The following ZNF223 variants were observed in gnomAD, a reference collection of about 807,000 sequenced individuals.
The protein encoded by ZNF223 is Homo sapiens zinc finger protein 223.
ZNF223 carries 9 observed loss-of-function variants against 12.3 expected under a neutral mutation model. That is an observed-to-expected ratio of 0.73 (90% confidence interval 0.44 to 1.28). The LOEUF (loss-of-function observed/expected upper bound fraction) is 1.28. ZNF223 is among the 50% of genes most tolerant of loss of function. The pLI, the probability that ZNF223 is intolerant of heterozygous loss-of-function variation, is 0.00. For synonymous variants in ZNF223, 171 were observed against 195.2 expected, an observed-to-expected ratio of 0.88 and a Z score of 1.03; for missense variants, 506 against 579.0, an observed-to-expected ratio of 0.87 and a Z score of 1.29.
At chr19:44,058,777 G>A (rs1234993890) in intron 2 of ZNF223, among the ~76,000 whole-genome samples, 2 of 152,214 alleles carry the variant, frequency 1.3e-5, no homozygotes, top group Non-Finnish European at 2.9e-5. Context: ...CATTGCCTAT[G>A]GCAGGTGTCT....
At chr19:44,055,544 C>CG (rs1976753479) in intron 2 of ZNF223, among the ~76,000 whole-genome samples, 1 of 151,522 alleles carries the variant, frequency 6.6e-6, no homozygotes, top group Non-Finnish European at 1.5e-5. Context: ...CTGAGGCAGG[C>CG]GGATCACCTG....
chr19:44,066,587 A>G lies in ZNF223; in HGVS notation c.759A>G (p.Leu253=). 1 of 1,614,168 alleles carries G rather than the reference A, an allele frequency of 6.2e-7. No homozygotes were observed. Among genetic ancestry groups the G allele is most frequent in the Non-Finnish European group, 8.5e-7 (1 of 1,180,020 alleles). Residue 253 remains leucine, a synonymous_variant, in exon 5 of 5, where the codon TTA becomes TTG. Coordinates refer to ENST00000434772, the MANE Select transcript of ZNF223 (RefSeq NM_013361.6). ...CAGCACTTACAGTTCATTGCAAATT[A>G]CACATGGGAGAGAAACATTATAATT... is the stretch of plus-strand genomic sequence containing the variant. The part of the protein sequence containing the change: ...CRSALTVHCK[L]HMGEKHYNCE...
chr19:44,063,673 C>T (rs1367111380), intron 4 of ZNF223: 3 of 152,274 alleles, frequency 2.0e-5, no homozygotes, highest in Admixed American at 2.0e-4. Flanking sequence ...AAAGCAGCAC[C>T]TTCTGAAGTT....
At chr19:44,054,778 A>G (rs1976743741) in intron 1 of ZNF223, among the ~76,000 whole-genome samples, 2 of 152,218 alleles carry the variant, frequency 1.3e-5, no homozygotes, top group Non-Finnish European at 1.5e-5. Context: ...TATTCCAGAC[A>G]TTTCATATAA....
Position 44,067,486 on chromosome 19 carries a change from C to T in ZNF223, c.*209C>T. The T allele has an allele frequency of 3.0e-6, 2 of 674,098 alleles. No individual in the cohort carries two copies. The highest frequency in any genetic ancestry group is 2.1e-5 in the Admixed American group (1 of 47,412). The allele number at this position is 674,098 out of a possible 1,614,324, so 41.8% of individuals were successfully genotyped here. On this transcript the variant is annotated 3_prime_UTR_variant, in exon 5 of 5. Coordinates refer to ENST00000434772, the MANE Select transcript of ZNF223 (RefSeq NM_013361.6). Reference sequence around the variant, plus strand: ...TGCTGCAGAACAGCAGAACTTCTTCCTCTTATCTACCTGTACTTTTGCATC... The same window carrying T: ...TGCTGCAGAACAGCAGAACTTCTTCTTCTTATCTACCTGTACTTTTGCATC...
At chr19:44,060,098 T>TA (rs1976816655) in intron 2 of ZNF223, among the ~76,000 whole-genome samples, 1 of 152,206 alleles carries the variant, frequency 6.6e-6, no homozygotes, top group South Asian at 2.1e-4. Flanking sequence ...GTCGGGCAGA[T>TA]ACTGACTGAA....
In ZNF223 at chr19:44,067,902, A is replaced by G. The variant is rs1976943834; in HGVS notation, c.*625A>G. The G allele has an allele frequency of 6.1e-6, 1 of 163,078 alleles. No homozygotes were observed. Among genetic ancestry groups the G allele is most frequent in the South Asian group, 1.6e-4 (1 of 6,146 alleles). 10.1% of individuals were successfully genotyped at this position (163,078 alleles called of 1,614,324 possible). ...TGGAAGATTGAGGCTGCACTGACCT[A>G]TGGTAGTGCTACTGCACTCCAGCCA... On this transcript the variant is annotated 3_prime_UTR_variant, in exon 5 of 5. Transcript: ENST00000434772.
intron 4 of ZNF223, among the ~76,000 whole-genome samples, chr19:44,061,765 T>A (rs1014921982): frequency 6.6e-6 from 1 of 152,232 alleles, no homozygotes; most frequent in Admixed American, 6.5e-5. Flanking sequence ...CACAGAAGCT[T>A]CTGCCTCAGG....
chr19:44,065,170 C>T (rs1433151190), intron 4 of ZNF223, among the ~76,000 whole-genome samples: 1 of 152,192 alleles, frequency 6.6e-6, no homozygotes. Context: ...AACAGAGAGA[C>T]TCTCCTCAGG....
At position 44,061,618 on chromosome 19, in the gene ZNF223, T is replaced by C. The variant is rs574830768; in HGVS notation, c.235+777T>C. ...TCACTCCTGTATGATCCAAGTTGAC[T>C]TTCCTACTTTCTGCTTAGCTGATTA... On this transcript the variant is annotated intron_variant, in intron 4 of 4. Transcript: ENST00000434772. Among the ~76,000 whole-genome samples, 41 of 152,384 alleles carry C rather than the reference T, an allele frequency of 2.7e-4. No individual in the cohort carries two copies. The Middle Eastern group carries it at 0.02, about 76-fold the overall frequency.
intron 2 of ZNF223, among the ~76,000 whole-genome samples, chr19:44,056,838 G>T (rs1315883290): frequency 6.6e-6 from 1 of 151,742 alleles, no homozygotes; most frequent in Non-Finnish European, 1.5e-5. Context: ...CTCATGATCT[G>T]CCTGCCTCGG....
Position 44,067,741 on chromosome 19 carries a change from G to T in ZNF223, c.*464G>T. 3.6e-6 allele frequency: 1 copy of T among 279,032 alleles called. No homozygotes were observed. The highest frequency in any genetic ancestry group is 8.2e-5 in the East Asian group (1 of 12,224). 17.3% of individuals were successfully genotyped at this position (279,032 alleles called of 1,614,324 possible). A position where few individuals can be genotyped will look rare whatever the true frequency, so the allele number is the denominator to read the frequency against. The stretch of plus-strand genomic sequence containing the variant: ...AAGTTTGACAATTAGTTATTATTCA[G>T]GAGACAGGTCTTAGTATAAGAGTTT... On this transcript the variant is annotated 3_prime_UTR_variant, in exon 5 of 5. Transcript: ENST00000434772.
chr19:44,066,009 AAAACACT>A (rs1976904503), intron 4 of ZNF223, 48 bp from the exon 5 acceptor site: 4 of 1,521,788 alleles, frequency 2.6e-6, no homozygotes, highest in Non-Finnish European at 3.5e-6. Context: ...TGAACTCTTA[AAAACACT>A]GAACAGGGCA....
intron 2 of ZNF223, 49 bp from the exon 3 acceptor site, chr19:44,060,406 C>T (rs1279454340): frequency 6.2e-7 from 1 of 1,605,944 alleles, no homozygotes; most frequent in Non-Finnish European, 8.5e-7. Flanking sequence ...CCTTCTCTCC[C>T]AGTAACCATT....
At position 44,055,184 on chromosome 19, in the gene ZNF223, T is replaced by G; in HGVS notation, c.8T>G (p.Met3Arg). The change falls in exon 2 of 5, where the codon ATG (methionine) becomes AGG (arginine). Residue 3 changes from methionine (M) to arginine (R), a missense_variant. Transcript: ENST00000434772. ...CCTAAAGTAGGAGGAAAAATGACCATGTCCAAGGTAAGTAGGACTTGCCTC... is the reference window on the plus strand; with the variant it reads ...CCTAAAGTAGGAGGAAAAATGACCAGGTCCAAGGTAAGTAGGACTTGCCTC... MT[M>R]SKEAVTFKDV... is the part of the protein sequence containing the mutation. The G allele has an allele frequency of 6.2e-7, 1 of 1,613,254 alleles. No individual in the cohort carries two copies. Among genetic ancestry groups the G allele is most frequent in the Non-Finnish European group, 8.5e-7 (1 of 1,179,572 alleles).
intron 1 of ZNF223, among the ~76,000 whole-genome samples, chr19:44,054,801 G>A (rs1460239640): frequency 6.6e-6 from 1 of 152,032 alleles, no homozygotes; most frequent in African/African-American, 2.4e-5. Flanking sequence ...GGAATCGTAG[G>A]GTCTGTGGGT....
rs530975860 is a variant in ZNF223 at position 44,064,800 on chromosome 19, A to G, written c.236-1264A>G. On this transcript the variant is annotated intron_variant, in intron 4 of 4. Transcript: ENST00000434772. ...ATAAGACAGAGTCCAGTGAAGTACC[A>G]AATGTGGATCTCCTATTGTATTCTC... Among the ~76,000 whole-genome samples the G allele has an allele frequency of 2.0e-5, 3 of 152,336 alleles. No homozygotes were observed. The South Asian group carries it at 6.2e-4, about 32-fold the overall frequency.
In ZNF223 at chr19:44,055,130, A is replaced by G; in HGVS notation, c.-47A>G. ...CCAGGCACAATTCTGCTTTCCCTGG[A>G]ACTGTGTCATTCAGGACTCTGCAAA... is the stretch of plus-strand genomic sequence containing the variant. On this transcript the variant is annotated 5_prime_UTR_variant, in exon 2 of 5. Coordinates refer to ENST00000434772, the MANE Select transcript of ZNF223 (RefSeq NM_013361.6). 2 of 1,607,096 alleles carry G rather than the reference A, an allele frequency of 1.2e-6. No individual in the cohort carries two copies. The highest frequency in any genetic ancestry group is 1.7e-6 in the Non-Finnish European group (2 of 1,174,618).
At chr19:44,061,131 C>T (rs143060344) in intron 4 of ZNF223, among the ~76,000 whole-genome samples, 9 of 152,258 alleles carry the variant, frequency 5.9e-5, no homozygotes, top group African/African-American at 2.2e-4. Flanking sequence ...CTAGAAACCC[C>T]TGTGGTCTAC....
Sources: gnomAD v4.1 joint callset for allele counts (sites outside exome capture counted in the v4.1 genomes callset) on GRCh38, gnomAD v4.1.1 for gene constraint, MANE v1.5 for transcripts, NCBI Gene and HGNC (gene_info 2026-07-23, HGNC 2026-07-21) for gene names.